The following ESF1 variants were observed in gnomAD, a reference collection of about 807,000 sequenced individuals.
ESF1 encodes the protein ESF1 nucleolar pre-rRNA processing protein.
A neutral mutation model predicts 92.0 loss-of-function variants in ESF1; 58 were observed. The observed-to-expected ratio is 0.63, with a 90% CI of 0.51 to 0.78. ESF1 has a LOEUF of 0.78. Ranked by LOEUF, ESF1 falls within the 30% of genes least tolerant of loss-of-function variation. The probability of loss-of-function intolerance (pLI) is 0.00; values close to 1 mark genes in which losing one functional copy is unlikely to be tolerated. For synonymous variants in ESF1, 321 were observed against 313.7 expected (o/e 1.02, Z -0.24); for missense variants, 922 against 989.1 (o/e 0.93, Z 0.91).
intron 13 of ESF1, among the ~76,000 whole-genome samples, chr20:13,715,551 T>A (rs2049818930): frequency 6.6e-6 from 1 of 152,152 alleles, no homozygotes; most frequent in East Asian, 1.9e-4. Context: ...AATAAGCCAA[T>A]CAGAACATCT....
At chr20:13,745,606 C>T (rs2050043237) in intron 9 of ESF1, among the ~76,000 whole-genome samples, 1 of 152,144 alleles carries the variant, frequency 6.6e-6, no homozygotes, top group South Asian at 2.1e-4. Flanking sequence ...CACCTGCCAC[C>T]ACACCCAGCT....
chr20:13,724,832 G>A (rs571953438), intron 11 of ESF1, among the ~76,000 whole-genome samples: 4 of 152,204 alleles, frequency 2.6e-5, no homozygotes, highest in South Asian at 2.1e-4. Flanking sequence ...GAATAACCAC[G>A]TACATGAATG....
chr20:13,721,286 T>C (rs1298748719), intron 11 of ESF1, among the ~76,000 whole-genome samples: 1 of 152,170 alleles, frequency 6.6e-6, no homozygotes. Context: ...ATCTCACAAA[T>C]GTTAACTGAG....
chr20:13,767,057 G>C, intron 7 of ESF1, 133 bp from the exon 8 acceptor site: 1 of 757,376 alleles, frequency 1.3e-6, no homozygotes, highest in East Asian at 2.6e-5. Context: ...ACAAATACAT[G>C]AATGATATGA....
chr20:13,733,826 T>A lies in ESF1; in HGVS notation c.1845A>T (p.Ala615=), dbSNP rs2049959415. Residue 615 remains alanine, a synonymous_variant, in exon 10 of 14, where the codon GCA becomes GCT. Transcript: ENST00000617257. ...IKWVPGLKES[A]EEMVKNKLEG... ...CCAATTTGTTTTTGACCATCTCTTC[T>A]GCACTTTCTTTAAGACCTGAGGAAA... 6.2e-7 allele frequency: 1 copy of A among 1,609,608 alleles called. No individual in the cohort carries two copies. Among genetic ancestry groups the A allele is most frequent in the African/African-American group, 1.3e-5 (1 of 74,746 alleles).
At position 13,771,194 on chromosome 20, in the gene ESF1, C is replaced by T. The variant is rs978253818; in HGVS notation, c.1403+137G>A. 1.1e-4 allele frequency: 80 copies of T among 708,456 alleles called. No individual in the cohort carries two copies. In the African/African-American group the frequency reaches 1.4e-3, roughly 12 times the overall value. The allele number at this position is 708,456 out of a possible 1,614,324, so 43.9% of individuals were successfully genotyped here. A position where few individuals can be genotyped will look rare whatever the true frequency, so the allele number is the denominator to read the frequency against. On this transcript the variant is annotated intron_variant, in intron 6 of 13. Transcript: ENST00000617257. The stretch of plus-strand genomic sequence containing the variant: ...TGTTTTCTTTCTTAGGAGTGATGTT[C>T]CATGGGATAGAGTTAACCGAAAAGC...
chr20:13,754,555 GCATCTTGAAC>G (rs1978795068), intron 9 of ESF1, among the ~76,000 whole-genome samples: 1 of 151,824 alleles, frequency 6.6e-6, no homozygotes. Flanking sequence ...GTATCAATGG[GCATCTTGAAC>G]TTAATGTATG....
chr20:13,724,231 G>C (rs2049886342), intron 11 of ESF1, among the ~76,000 whole-genome samples: 1 of 152,182 alleles, frequency 6.6e-6, no homozygotes, highest in African/African-American at 2.4e-5. Flanking sequence ...GGAGGCAGAG[G>C]CTGTGGTGAG....
chr20:13,728,499 T>C, intron 10 of ESF1, 34 bp from the exon 11 acceptor site: 1 of 1,423,146 alleles, frequency 7.0e-7, no homozygotes, highest in Non-Finnish European at 9.7e-7. Context: ...CAAAATTTCA[T>C]TATTACAAGA....
chr20:13,724,944 C>T (rs1338804119), intron 11 of ESF1, among the ~76,000 whole-genome samples: 1 of 152,142 alleles, frequency 6.6e-6, no homozygotes, highest in African/African-American at 2.4e-5. Context: ...CTTTCTCTGC[C>T]TAGGCCTCCC....
At chr20:13,771,744 TC>T (rs1979693631) in intron 5 of ESF1, among the ~76,000 whole-genome samples, 1 of 152,076 alleles carries the variant, frequency 6.6e-6, no homozygotes, top group Non-Finnish European at 1.5e-5. Context: ...ATAATTTAAC[TC>T]ACAGAATAGT....
chr20:13,772,194 C>CAA (rs959254991), intron 5 of ESF1, among the ~76,000 whole-genome samples: 76 of 142,324 alleles, frequency 5.3e-4, no homozygotes, highest in African/African-American at 1.9e-3. Context: ...AATGATGTCT[C>CAA]AAAAAAAAAA....
intron 9 of ESF1, among the ~76,000 whole-genome samples, chr20:13,735,095 G>A (rs1455949808): frequency 1.3e-5 from 2 of 152,050 alleles, no homozygotes; most frequent in African/African-American, 2.4e-5. Flanking sequence ...TCAGAAGTAT[G>A]CAACCCTTTC....
intron 9 of ESF1, among the ~76,000 whole-genome samples, chr20:13,748,828 C>A (rs1978458172): frequency 6.6e-6 from 1 of 151,750 alleles, no homozygotes; most frequent in Admixed American, 6.6e-5. Flanking sequence ...ACCTCGTGAT[C>A]CGCCCACCTC....
At position 13,733,720 on chromosome 20, in the gene ESF1, C is replaced by A. The variant is rs779817818; in HGVS notation, c.1950+1G>T. Reference sequence around the variant, plus strand: ...CATTTGGTCATAATTATCAATGATACCTTCTGTTTCCTTTTCAGTCTTTTT... The same window carrying A: ...CATTTGGTCATAATTATCAATGATAACTTCTGTTTCCTTTTCAGTCTTTTT... On this transcript the variant is annotated splice_donor_variant, in intron 10 of 13. Transcript: ENST00000617257. LOFTEE classifies it high-confidence loss of function. 1.2e-6 allele frequency: 2 copies of A among 1,610,568 alleles called. No homozygotes were observed. The highest frequency in any genetic ancestry group is 3.3e-4 in the Middle Eastern group (2 of 6,042).
chr20:13,721,065 G>C (rs1395243666), intron 11 of ESF1, among the ~76,000 whole-genome samples: 1 of 152,218 alleles, frequency 6.6e-6, no homozygotes, highest in East Asian at 1.9e-4. Flanking sequence ...AGAGGTTGCA[G>C]TGAGCAGAGA....
At chr20:13,716,121 C>T (rs2049823117) in intron 13 of ESF1, among the ~76,000 whole-genome samples, 1 of 152,142 alleles carries the variant, frequency 6.6e-6, no homozygotes, top group Admixed American at 6.6e-5. Context: ...GTATGCTACC[C>T]TCCATTGTTT....
chr20:13,739,808 C>A (rs565213160), intron 9 of ESF1, among the ~76,000 whole-genome samples: 4 of 151,512 alleles, frequency 2.6e-5, no homozygotes, highest in Admixed American at 2.6e-4. Flanking sequence ...CACTGATCTG[C>A]TATGGTCTTA....
rs2147727211 is a variant in ESF1, at chr20:13,728,414, T to A, written c.2002A>T (p.Asn668Tyr). 2.5e-6 allele frequency: 4 copies of A among 1,613,216 alleles called. No homozygotes were observed. The highest frequency in any genetic ancestry group is 1.7e-4 in the Middle Eastern group (1 of 6,056). The change falls in exon 11 of 14, where the codon AAT becomes TAT. Residue 668 changes from asparagine to tyrosine, a missense_variant. Physicochemically the swap from Asn to Tyr is moderately radical, Grantham distance 143. Coordinates refer to ENST00000617257, the MANE Select transcript of ESF1 (RefSeq NM_001276380.2). ...ACTTCTTCAGCAAAGTATGGGTCATTCAAATCAACATCAGAGGGAAGTTCC... is the reference window on the plus strand; with the variant it reads ...ACTTCTTCAGCAAAGTATGGGTCATACAAATCAACATCAGAGGGAAGTTCC... The part of the protein sequence containing the change: ...EEELPSDVDL[N>Y]DPYFAEEVKQ...
Sources: gnomAD v4.1 joint callset for allele counts (sites outside exome capture counted in the v4.1 genomes callset) on GRCh38, gnomAD v4.1.1 for gene constraint, MANE v1.5 for transcripts, NCBI Gene and HGNC (gene_info 2026-07-23, HGNC 2026-07-21) for gene names.